The following ZMYM5 variants were observed in gnomAD, a reference collection of about 807,000 sequenced individuals.
ZMYM5 encodes the protein zinc finger MYM-type containing 5, also known as zinc finger MYM-type protein 5.
A neutral mutation model predicts 61.8 loss-of-function variants in ZMYM5; 41 were observed. The ratio of observed to expected loss-of-function variants is 0.66; its 90% CI spans 0.52 to 0.86. The LOEUF is 0.86. Ranked by LOEUF, ZMYM5 falls within the 40% of genes least tolerant of loss-of-function variation. ZMYM5 has a pLI of 0.00. For synonymous variants in ZMYM5, 257 were observed against 276.4 expected (o/e 0.93, Z 0.70); for missense variants, 706 against 786.7 (o/e 0.90, Z 1.23).
intron 6 of ZMYM5, among the ~76,000 whole-genome samples, chr13:19,835,892 C>G (rs1369278769): frequency 6.6e-6 from 1 of 151,848 alleles, no homozygotes; most frequent in Non-Finnish European, 1.5e-5. Context: ...GGCACAATCT[C>G]GGCTCACTGC....
intron 2 of ZMYM5, among the ~76,000 whole-genome samples, chr13:19,858,585 CAAA>C (rs34468029): frequency 2.3e-5 from 2 of 85,310 alleles, no homozygotes; most frequent in African/African-American, 5.0e-5. Context: ...GACGCTGTTT[CAAA>C]AAAAAAAAAA....
chr13:19,851,851 T>C lies in ZMYM5; in HGVS notation c.330A>G (p.Lys110=), dbSNP rs17850146. ...PPSSRDLASQ[K]GNISETIVID... ...TAACAATTGTCTCACTTATATTTCCTTTCTGAGATGCCAAATCTCTTGAAG... is the reference window on the plus strand; with the variant it reads ...TAACAATTGTCTCACTTATATTTCCCTTCTGAGATGCCAAATCTCTTGAAG... Residue 110 remains lysine (K), a synonymous_variant, in exon 3 of 8, where the codon AAA becomes AAG. Coordinates refer to ENST00000337963, the MANE Select transcript of ZMYM5 (RefSeq NM_001142684.2). 1.2e-6 allele frequency: 2 copies of C among 1,612,208 alleles called. No homozygotes were observed. Among genetic ancestry groups the C allele is most frequent in the South Asian group, 2.2e-5 (2 of 90,434 alleles).
Position 19,825,011 on chromosome 13 carries a change from G to C in ZMYM5, c.1476C>G (p.Ser492=), listed in dbSNP as rs1566082209. 1 of 1,367,482 alleles carries C rather than the reference G, an allele frequency of 7.3e-7. No individual in the cohort carries two copies. Among genetic ancestry groups the C allele is most frequent in the Non-Finnish European group, 9.8e-7 (1 of 1,021,810 alleles). 84.7% of individuals were successfully genotyped at this position (1,367,482 alleles called of 1,614,324 possible). A position where few individuals can be genotyped will look rare whatever the true frequency, so the allele number is the denominator to read the frequency against. ...GAAATGTATCAGCTATGGTTGACGT[G>C]GAAGAAGGAGGTAAATTCACATTCT... ...IQENVNLPPS[S]TSTIADTFQE... Residue 492 remains serine, a synonymous_variant, in exon 8 of 8, where the codon TCC becomes TCG. Transcript: ENST00000337963.
rs143908645 is a variant in ZMYM5, at chr13:19,840,626, G to A, written c.587-1641C>T. Among the ~76,000 whole-genome samples, 187 of 151,668 alleles carry A rather than the reference G, an allele frequency of 1.2e-3. 1 individual carries two copies. Among genetic ancestry groups the A allele is most frequent in the African/African-American group, 4.4e-3 (184 of 41,390 alleles). ...TGGACTCAAGCGATCTTCCTGCCTC[G>A]CTCTCCCAAAGTGCTAAAATTATAG... On this transcript the variant is annotated intron_variant, in intron 4 of 7. Transcript: ENST00000337963.
intron 4 of ZMYM5, among the ~76,000 whole-genome samples, chr13:19,846,662 A>G (rs1032987237): frequency 6.6e-6 from 1 of 152,110 alleles, no homozygotes; most frequent in Admixed American, 6.6e-5. Context: ...CAAATAACCA[A>G]TGCACAATGT....
At chr13:19,859,407 G>C (rs556598949) in intron 2 of ZMYM5, among the ~76,000 whole-genome samples, 1 of 151,940 alleles carries the variant, frequency 6.6e-6, no homozygotes, top group Non-Finnish European at 1.5e-5. Context: ...TTGTTTGTTT[G>C]TTTGTTTGTT....
chr13:19,834,348 A>C (rs765509715), intron 7 of ZMYM5, among the ~76,000 whole-genome samples: 5 of 152,018 alleles, frequency 3.3e-5, no homozygotes, highest in African/African-American at 1.2e-4. Context: ...TATAAAATAC[A>C]TGTATCCAGA....
Position 19,851,337 on chromosome 13 carries a change from G to GT in ZMYM5, c.586+17dup, listed in dbSNP as rs777752949. On this transcript the variant is annotated intron_variant, in intron 4 of 7. Transcript: ENST00000337963. ...GGCTTATTTACTTGAGGTAGAAACAGTATCACTTACTGCTTACCAGGACTA... is the reference window on the plus strand; with the variant it reads ...GGCTTATTTACTTGAGGTAGAAACAGTTATCACTTACTGCTTACCAGGACTA... The GT allele has an allele frequency of 1.4e-5, 23 of 1,597,372 alleles. No individual in the cohort carries two copies. The highest frequency in any genetic ancestry group is 1.8e-5 in the Non-Finnish European group (21 of 1,164,906).
At chr13:19,861,788 G>A (rs1953771950) in intron 2 of ZMYM5, among the ~76,000 whole-genome samples, 1 of 151,806 alleles carries the variant, frequency 6.6e-6, no homozygotes, top group Non-Finnish European at 1.5e-5. Context: ...TAAGTGAATA[G>A]CTGACAGAGA....
chr13:19,842,639 GCTTT>G (rs1379514371), intron 4 of ZMYM5, among the ~76,000 whole-genome samples: 5 of 144,834 alleles, frequency 3.5e-5, no homozygotes, highest in South Asian at 2.2e-4. Context: ...GATGACTTAA[GCTTT>G]TTTTTTTTAA....
At chr13:19,855,734 A>G (rs528276763) in intron 2 of ZMYM5, among the ~76,000 whole-genome samples, 1 of 151,016 alleles carries the variant, frequency 6.6e-6, no homozygotes, top group Non-Finnish European at 1.5e-5. Context: ...ACTAAAGGCC[A>G]GGTGCAGTGG....
intron 2 of ZMYM5, among the ~76,000 whole-genome samples, chr13:19,860,195 G>A (rs1192219753): frequency 6.7e-6 from 1 of 148,950 alleles, no homozygotes; most frequent in Non-Finnish European, 1.5e-5. Context: ...GTGTGATCTT[G>A]GCTCACTGCA....
chr13:19,828,831 G>T (rs1407863824), intron 7 of ZMYM5, among the ~76,000 whole-genome samples: 2 of 152,280 alleles, frequency 1.3e-5, no homozygotes, highest in Middle Eastern at 3.4e-3. Flanking sequence ...TTCATTTACT[G>T]ATATGGGAAA....
At position 19,825,141 on chromosome 13, in the gene ZMYM5, G is replaced by A. The variant is rs1034713577; in HGVS notation, c.1346C>T (p.Ser449Leu). The A allele has an allele frequency of 1.5e-6, 2 of 1,348,158 alleles. No homozygotes were observed. Among genetic ancestry groups the A allele is most frequent in the Non-Finnish European group, 2.0e-6 (2 of 1,012,084 alleles). The allele number at this position is 1,348,158 out of a possible 1,614,324, so 83.5% of individuals were successfully genotyped here. A position where few individuals can be genotyped will look rare whatever the true frequency, so the allele number is the denominator to read the frequency against. The change falls in exon 8 of 8, where the codon TCA becomes TTA. Residue 449 changes from serine to leucine, a missense_variant. Physicochemically the swap from Ser to Leu is moderately radical, Grantham distance 145 (BLOSUM62 -2). Coordinates refer to ENST00000337963, the MANE Select transcript of ZMYM5 (RefSeq NM_001142684.2). Reference sequence around the variant, plus strand: ...CTCTATTTTTTTCAAAAGTGTATTTGACGATCCATATAATTGTTTCTCATT... The same window carrying A: ...CTCTATTTTTTTCAAAAGTGTATTTAACGATCCATATAATTGTTTCTCATT... ...EENEKQLYGS[S>L]NTLLKKIEGI...
chr13:19,855,326 A>C (rs1039833256), intron 2 of ZMYM5, among the ~76,000 whole-genome samples: 6 of 151,864 alleles, frequency 4.0e-5, no homozygotes, highest in Admixed American at 3.3e-4. Context: ...GCAGTGGCAC[A>C]ATCTAGGCTT....
rs565192627 is a variant in ZMYM5, at chr13:19,838,534, C to T, written c.872+166G>A. ...CTGCCGAGAGTAAATACAGCACATA[C>T]GAGTCCACAGCTTGGATATATTCTA... On this transcript the variant is annotated intron_variant, in intron 5 of 7. Transcript: ENST00000337963. Among the ~76,000 whole-genome samples the T allele has an allele frequency of 2.6e-5, 4 of 152,256 alleles. No homozygotes were observed. In the South Asian group the frequency reaches 6.2e-4, roughly 24 times the overall value.
intron 2 of ZMYM5, among the ~76,000 whole-genome samples, chr13:19,852,901 G>A (rs1392530690): frequency 6.6e-6 from 1 of 152,176 alleles, no homozygotes; most frequent in East Asian, 1.9e-4. Flanking sequence ...AGGCTGGAGT[G>A]CAGTTGTGCC....
chr13:19,860,318 G>GC (rs1329523178), intron 2 of ZMYM5, among the ~76,000 whole-genome samples: 3 of 146,956 alleles, frequency 2.0e-5, no homozygotes, highest in Non-Finnish European at 4.5e-5. Context: ...TTGAGACAGA[G>GC]TTTTGCTCTT....
chr13:19,854,630 A>AG (rs1239027873), intron 2 of ZMYM5, among the ~76,000 whole-genome samples: 7 of 150,964 alleles, frequency 4.6e-5, no homozygotes, highest in Non-Finnish European at 8.9e-5. Context: ...TTCGTCTCAA[A>AG]AAAAAAAAAA....
Sources: gnomAD v4.1 joint callset for allele counts (sites outside exome capture counted in the v4.1 genomes callset) on GRCh38, gnomAD v4.1.1 for gene constraint, MANE v1.5 for transcripts, NCBI Gene and HGNC (gene_info 2026-07-23, HGNC 2026-07-21) for gene names.